CEP170B: variants seen among roughly 807,000 people sequenced by gnomAD.
CEP170B encodes the protein centrosomal protein 170B.
Under a neutral mutation model 120.6 loss-of-function variants are expected in CEP170B, and 55 were observed. The observed-to-expected ratio is 0.46, with a 90% CI of 0.37 to 0.57. The LOEUF is 0.57. Among genes scored for constraint, CEP170B ranks in the 20% least tolerant of loss-of-function variants. The pLI, the probability that CEP170B is intolerant of heterozygous loss-of-function variation, is 0.00. For missense variants in CEP170B, 2,212 were observed against 2,253.3 expected, an observed-to-expected ratio of 0.98 and a Z score of 0.37; for synonymous variants, 1,033 against 954.5, an observed-to-expected ratio of 1.08 and a Z score of -1.52.
At chr14:104,894,037 C>G in intron 16 of CEP170B, 188 bp downstream of exon 16, 1 of 678,366 alleles carries the variant, frequency 1.5e-6, no homozygotes, top group Non-Finnish European at 2.5e-6. Flanking sequence ...GAGGAGCCAG[C>G]GCCTCCAGGG....
chr14:104,894,103 G>A (rs927476092), intron 16 of CEP170B, 182 bp from the exon 17 acceptor site: 8 of 654,486 alleles, frequency 1.2e-5, no homozygotes, highest in Middle Eastern at 5.1e-4. Flanking sequence ...CCTCCCCACC[G>A]CCGAGTGTCA....
At chr14:104,890,566 G>GGA (rs1896783465) in intron 13 of CEP170B, among the ~76,000 whole-genome samples, 3 of 78,138 alleles carry the variant, frequency 3.8e-5, no homozygotes, top group African/African-American at 1.7e-4. Flanking sequence ...GGGTGGGTGG[G>GGA]TGGATGGATG....
rs1895248171 is a variant in CEP170B, at chr14:104,867,197, G to C, written c.-27-1227G>C. 6.6e-6 allele frequency among the ~76,000 whole-genome samples: 1 copy of C among 152,246 alleles called. No homozygotes were observed. Among genetic ancestry groups the C allele is most frequent in the South Asian group, 2.1e-4 (1 of 4,816 alleles). On this transcript the variant is annotated intron_variant, in intron 1 of 18. Transcript: ENST00000414716. The surrounding 1 kb of genome is among the most constrained non-coding windows in gnomAD (Gnocchi z 5.4). Reference sequence around the variant, plus strand: ...TCCAGGACTAGCCACAGGACTCCCAGGGGTATGTGAGGCCCTCCATCCCTC... The same window carrying C: ...TCCAGGACTAGCCACAGGACTCCCACGGGTATGTGAGGCCCTCCATCCCTC...
Position 104,892,852 on chromosome 14 carries a change from C to T in CEP170B, c.3879-124C>T. The T allele has an allele frequency of 3.7e-6, 4 of 1,084,492 alleles. No homozygotes were observed. In the South Asian group the frequency reaches 4.2e-5, roughly 11 times the overall value. The allele number at this position is 1,084,492 out of a possible 1,614,324, so 67.2% of individuals were successfully genotyped here. ...TGTTTGGGGCCAGGCTGGGGAGCAC[C>T]TCCCCCAGGCCCCACCTCTGGCCAG... is the stretch of plus-strand genomic sequence containing the variant. On this transcript the variant is annotated intron_variant, in intron 13 of 18. Coordinates refer to ENST00000414716, the MANE Select transcript of CEP170B (RefSeq NM_001112726.3).
chr14:104,882,916 CACTCCGGG>C, intron 7 of CEP170B, 84 bp downstream of exon 7: 1 of 1,479,990 alleles, frequency 6.8e-7, no homozygotes, highest in Middle Eastern at 2.0e-4. Context: ...TTGAGGAGCC[CACTCCGGG>C]GGACATGGGG....
chr14:104,873,196 C>T (rs1368361641), intron 2 of CEP170B, among the ~76,000 whole-genome samples: 1 of 150,610 alleles, frequency 6.6e-6, no homozygotes, highest in African/African-American at 2.4e-5. Flanking sequence ...GGTGGAGGCT[C>T]AGTCCTGGGA....
At chr14:104,873,227 CG>C (rs1213032506) in intron 2 of CEP170B, among the ~76,000 whole-genome samples, 1 of 97,594 alleles carries the variant, frequency 1.0e-5, no homozygotes, top group Non-Finnish European at 1.9e-5. Context: ...CAGCTGGGCT[CG>C]GGGTGTTAAC....
chr14:104,874,753 C>T (rs1333629401), intron 2 of CEP170B, among the ~76,000 whole-genome samples: 2 of 152,066 alleles, frequency 1.3e-5, no homozygotes, highest in Non-Finnish European at 2.9e-5. Flanking sequence ...ACCCCCACCC[C>T]CGGTCCTCCT....
intron 12 of CEP170B, among the ~76,000 whole-genome samples, chr14:104,889,191 G>A (rs1223136223): frequency 6.6e-6 from 1 of 152,162 alleles, no homozygotes. Flanking sequence ...CTCTGTTTTG[G>A]GGTCTGTCAG....
chr14:104,883,032 C>T lies in CEP170B; in HGVS notation c.578-3C>T. On this transcript the variant is annotated splice_polypyrimidine_tract_variant and splice_region_variant and intron_variant, in intron 7 of 18. Transcript: ENST00000414716. ...CCGGTCTGAAGACATCTTCCCACAC[C>T]AGAGCGCCCCAAGGGACCAGTGCAG... The T allele has an allele frequency of 1.3e-6, 2 of 1,508,606 alleles. No individual in the cohort carries two copies. Among genetic ancestry groups the T allele is most frequent in the Middle Eastern group, 3.5e-4 (2 of 5,794 alleles). The allele number at this position is 1,508,606 out of a possible 1,614,324, so 93.5% of individuals were successfully genotyped here.
chr14:104,884,361 G>A lies in CEP170B; in HGVS notation c.1582G>A (p.Ala528Thr), dbSNP rs1009197594. ...CGAGAAGGTTCCTCCGGTGCTGCCCGCTCCCCTGACACCCCATGGGACCAG... is the reference window on the plus strand; with the variant it reads ...CGAGAAGGTTCCTCCGGTGCTGCCCACTCCCCTGACACCCCATGGGACCAG... Reference protein sequence around the residue: ...SPEKVPPVLPAPLTPHGTSPV... With the variant: ...SPEKVPPVLPTPLTPHGTSPV... Residue 528 changes from alanine (A) to threonine (T), a missense_variant, in exon 9 of 19, where the codon GCT becomes ACT. Coordinates refer to ENST00000414716, the MANE Select transcript of CEP170B (RefSeq NM_001112726.3). 21 of 1,545,564 alleles carry A rather than the reference G, an allele frequency of 1.4e-5. No individual in the cohort carries two copies. The highest frequency in any genetic ancestry group is 4.8e-5 in the South Asian group (4 of 83,820).
At position 104,884,478 on chromosome 14, in the gene CEP170B, G is replaced by A. The variant is rs200049698; in HGVS notation, c.1699G>A (p.Ala567Thr). Residue 567 changes from alanine (A) to threonine (T), a missense_variant, in exon 9 of 19, where the codon GCA becomes ACA. Ala to Thr is a moderately conservative substitution (Grantham distance 58, BLOSUM62 0). Coordinates refer to ENST00000414716, the MANE Select transcript of CEP170B (RefSeq NM_001112726.3). Reference sequence around the variant, plus strand: ...GGAGGAGGACGACAGCCTCAGTGACGCAGGGACATACACCATCGAGACCGA... The same window carrying A: ...GGAGGAGGACGACAGCCTCAGTGACACAGGGACATACACCATCGAGACCGA... Reference protein sequence around the residue: ...KQEEDDSLSDAGTYTIETEAQ... With the variant: ...KQEEDDSLSDTGTYTIETEAQ... 2,025 of 1,563,358 alleles carry A rather than the reference G, an allele frequency of 1.3e-3. 3 individuals carry two copies. The highest frequency in any genetic ancestry group is 1.6e-3 in the Non-Finnish European group (1,850 of 1,153,860).
intron 3 of CEP170B, among the ~76,000 whole-genome samples, chr14:104,876,705 A>G (rs977458514): frequency 1.3e-5 from 2 of 152,194 alleles, no homozygotes; most frequent in African/African-American, 4.8e-5. Context: ...GCCAAGGATC[A>G]GGCTGCTCTC....
At chr14:104,876,644 C>G (rs78109240) in intron 3 of CEP170B, among the ~76,000 whole-genome samples, 64,095 of 151,640 alleles carry the variant, frequency 0.42, 16,014 homozygotes, top group Middle Eastern at 0.67. Flanking sequence ...TCCCCAACTA[C>G]AGAGGCCCCC....
At position 104,868,666 on chromosome 14, in the gene CEP170B, G is replaced by A. The variant is rs918655632; in HGVS notation, c.105+111G>A. 35 of 1,032,096 alleles carry A rather than the reference G, an allele frequency of 3.4e-5. No individual in the cohort carries two copies. The highest frequency in any genetic ancestry group is 4.7e-5 in the South Asian group (3 of 63,858). 63.9% of individuals were successfully genotyped at this position (1,032,096 alleles called of 1,614,324 possible). ...TGCAGGCCACCCTGGCGAGGAGGCCGCCATGCAGCCCAGGCTGGGCCTCTT... is the reference window on the plus strand; with the variant it reads ...TGCAGGCCACCCTGGCGAGGAGGCCACCATGCAGCCCAGGCTGGGCCTCTT... On this transcript the variant is annotated intron_variant, in intron 2 of 18. Transcript: ENST00000414716. The surrounding 1 kb of genome is among the most constrained non-coding windows in gnomAD (Gnocchi z 5.9).
Position 104,894,828 on chromosome 14 carries a change from C to T in CEP170B, c.4535C>T (p.Pro1512Leu). The change falls in exon 19 of 19, where the codon CCC becomes CTC. Residue 1512 changes from proline to leucine, a missense_variant. By Grantham distance (98) the Pro-to-Leu change is moderately conservative (BLOSUM62 -3). Coordinates refer to ENST00000414716, the MANE Select transcript of CEP170B (RefSeq NM_001112726.3). Reference sequence around the variant, plus strand: ...GGCCGCGTGGCTGCCCAGAGCCCACCCTCACCCGCCTCAGCCGAGGCCCTG... The same window carrying T: ...GGCCGCGTGGCTGCCCAGAGCCCACTCTCACCCGCCTCAGCCGAGGCCCTG... ...GKGRVAAQSP[P>L]SPASAEALLP... is the part of the protein sequence containing the mutation. 6.2e-7 allele frequency: 1 copy of T among 1,605,736 alleles called. No individual in the cohort carries two copies. Among genetic ancestry groups the T allele is most frequent in the Non-Finnish European group, 8.5e-7 (1 of 1,176,832 alleles).
chr14:104,876,719 G>A (rs774805584), intron 3 of CEP170B, among the ~76,000 whole-genome samples: 1 of 152,220 alleles, frequency 6.6e-6, no homozygotes, highest in Non-Finnish European at 1.5e-5. Context: ...TGCTCTCAGG[G>A]AGAGTGGACC....
At chr14:104,880,262 C>T (rs377138069) in intron 5 of CEP170B, 25 bp from the exon 6 acceptor site, 188 of 1,569,742 alleles carry the variant, frequency 1.2e-4, no homozygotes, top group Admixed American at 1.7e-4. Flanking sequence ...GGCCCAGTAC[C>T]TCACCCCGCC....
At chr14:104,866,756 C>T (rs1895228517) in intron 1 of CEP170B, among the ~76,000 whole-genome samples, 1 of 152,152 alleles carries the variant, frequency 6.6e-6, no homozygotes, top group Admixed American at 6.5e-5. Flanking sequence ...TGAAGAGCCT[C>T]AAAGCTGAAG....
Sources: gnomAD v4.1 joint callset for allele counts (sites outside exome capture counted in the v4.1 genomes callset) on GRCh38, gnomAD v4.1.1 for gene constraint, Gnocchi (gnomAD v3.1) non-coding constraint, MANE v1.5 for transcripts, NCBI Gene and HGNC (gene_info 2026-07-23, HGNC 2026-07-21) for gene names.